Variants in PAK5 observed in about 807,000 individuals in gnomAD.
The protein encoded by PAK5 is serine/threonine-protein kinase PAK 5.
PAK5 carries 16 observed loss-of-function variants against 65.9 expected under a neutral mutation model. The observed-to-expected ratio is 0.24, with a 90% CI of 0.16 to 0.37. The LOEUF (loss-of-function observed/expected upper bound fraction) is 0.37. Among genes scored for constraint, PAK5 ranks in the 10% least tolerant of loss-of-function variants. The probability of loss-of-function intolerance (pLI) is 1.00; values close to 1 mark genes in which losing one functional copy is unlikely to be tolerated. For missense variants in PAK5, 785 were observed against 903.9 expected, an observed-to-expected ratio of 0.87 and a Z score of 1.69; for synonymous variants, 371 against 354.9, an observed-to-expected ratio of 1.05 and a Z score of -0.51.
intron 1 of PAK5, among the ~76,000 whole-genome samples, chr20:9,777,860 G>A (rs1316102614): frequency 6.6e-6 from 1 of 152,120 alleles, no homozygotes; most frequent in African/African-American, 2.4e-5. Flanking sequence ...TGAACAAGGT[G>A]AGGATGTGCA....
intron 1 of PAK5, among the ~76,000 whole-genome samples, chr20:9,824,258 A>G (rs1195213412): frequency 6.6e-6 from 1 of 152,238 alleles, no homozygotes; most frequent in East Asian, 1.9e-4. Flanking sequence ...AGAATATTAA[A>G]TCTCCAAAAG....
intron 2 of PAK5, among the ~76,000 whole-genome samples, chr20:9,701,219 G>T (rs2047935881): frequency 6.6e-6 from 1 of 152,158 alleles, no homozygotes; most frequent in Non-Finnish European, 1.5e-5. Context: ...GTTCTGAACT[G>T]TTAAAAGTTT....
At position 9,606,878 on chromosome 20, in the gene PAK5, T is replaced by C. The variant is rs562675636; in HGVS notation, c.205-25948A>G. Among the ~76,000 whole-genome samples, 121 of 152,290 alleles carry C rather than the reference T, an allele frequency of 7.9e-4. 2 individuals carry two copies. In the South Asian group the frequency reaches 0.025, roughly 31 times the overall value. ...GAGTATAGGCCTTGGTTTTCAAGCA[T>C]TGTAGGACCTGCCTCCCCATGAAAT... is the stretch of plus-strand genomic sequence containing the variant. On this transcript the variant is annotated intron_variant, in intron 3 of 9. Transcript: ENST00000353224.
At chr20:9,754,611 C>T (rs972138153) in intron 1 of PAK5, among the ~76,000 whole-genome samples, 1 of 152,140 alleles carries the variant, frequency 6.6e-6, no homozygotes, top group Non-Finnish European at 1.5e-5. Context: ...CTGCATGACT[C>T]CTAAACCATA....
At chr20:9,794,698 T>C (rs916024027) in intron 1 of PAK5, among the ~76,000 whole-genome samples, 1 of 152,046 alleles carries the variant, frequency 6.6e-6, no homozygotes. Context: ...GGAAAAAACA[T>C]AGGCACATTG....
At chr20:9,786,954 A>T (rs2048999274) in intron 1 of PAK5, among the ~76,000 whole-genome samples, 1 of 152,186 alleles carries the variant, frequency 6.6e-6, no homozygotes, top group African/African-American at 2.4e-5. Flanking sequence ...TAGATTTAAA[A>T]TAGGCTAATA....
intron 1 of PAK5, among the ~76,000 whole-genome samples, chr20:9,727,232 A>C (rs1327685003): frequency 6.6e-6 from 1 of 152,192 alleles, no homozygotes; most frequent in Non-Finnish European, 1.5e-5. Context: ...AGCAAATTAA[A>C]TACTATCAAA....
intron 1 of PAK5, among the ~76,000 whole-genome samples, chr20:9,729,055 C>T (rs1822726462): frequency 1.3e-5 from 2 of 151,774 alleles, no homozygotes; most frequent in Non-Finnish European, 2.9e-5. Flanking sequence ...TTTCTGTAGG[C>T]CTAAAATTAT....
Position 9,538,772 on chromosome 20 carries a change from T to G in PAK5, c.*690A>C, listed in dbSNP as rs2045210145. 1 of 233,208 alleles carries G rather than the reference T, an allele frequency of 4.3e-6. No individual in the cohort carries two copies. Among genetic ancestry groups the G allele is most frequent in the African/African-American group, 2.2e-5 (1 of 45,342 alleles). The allele number at this position is 233,208 out of a possible 1,614,324, so 14.4% of individuals were successfully genotyped here. ...GAAACGTGCACACCATCACCATCAC[T>G]CTTAATTCTTCTTCCACCAAATAAG... On this transcript the variant is annotated 3_prime_UTR_variant, in exon 10 of 10. Coordinates refer to ENST00000353224, the MANE Select transcript of PAK5 (RefSeq NM_177990.4).
chr20:9,601,939 T>G (rs2046367189), intron 3 of PAK5, among the ~76,000 whole-genome samples: 2 of 152,148 alleles, frequency 1.3e-5, no homozygotes, highest in Admixed American at 1.3e-4. Flanking sequence ...AAAGAAATGT[T>G]TGCTGTTATA....
At chr20:9,736,785 T>C (rs968501658) in intron 1 of PAK5, among the ~76,000 whole-genome samples, 1 of 152,234 alleles carries the variant, frequency 6.6e-6, no homozygotes, top group Non-Finnish European at 1.5e-5. Context: ...AATTCTGAAG[T>C]CTGGTCTCCA....
intron 1 of PAK5, among the ~76,000 whole-genome samples, chr20:9,762,130 C>T (rs1489381926): frequency 6.6e-6 from 1 of 152,116 alleles, no homozygotes; most frequent in East Asian, 1.9e-4. Context: ...GGATTAAAGA[C>T]TTAAATGTAA....
At chr20:9,694,135 C>G (rs1021226783) in intron 2 of PAK5, among the ~76,000 whole-genome samples, 1 of 151,598 alleles carries the variant, frequency 6.6e-6, no homozygotes, top group Non-Finnish European at 1.5e-5. Flanking sequence ...TGATATATGT[C>G]CAATGAGGAA....
intron 6 of PAK5, among the ~76,000 whole-genome samples, chr20:9,558,303 G>C (rs765315075): frequency 1.1e-4 from 16 of 151,668 alleles, no homozygotes; most frequent in Non-Finnish European, 2.1e-4. Context: ...ATAGAGATAG[G>C]GTTTCACCAT....
At chr20:9,791,978 G>T (rs1386698219) in intron 1 of PAK5, among the ~76,000 whole-genome samples, 1 of 152,070 alleles carries the variant, frequency 6.6e-6, no homozygotes, top group African/African-American at 2.4e-5. Context: ...CTCCTTCACA[G>T]ATAGAACACC....
At chr20:9,771,933 G>A (rs1326978048) in intron 1 of PAK5, among the ~76,000 whole-genome samples, 1 of 152,074 alleles carries the variant, frequency 6.6e-6, no homozygotes, top group Non-Finnish European at 1.5e-5. Context: ...AGCTACTCAG[G>A]AGGCTGAGGT....
At chr20:9,828,659 AT>A (rs1221895854) in intron 1 of PAK5, among the ~76,000 whole-genome samples, 1 of 152,202 alleles carries the variant, frequency 6.6e-6, no homozygotes, top group Non-Finnish European at 1.5e-5. Flanking sequence ...TACAAACACC[AT>A]TTGCATGAAT....
chr20:9,712,711 T>A (rs904992553), intron 1 of PAK5, among the ~76,000 whole-genome samples: 1 of 152,036 alleles, frequency 6.6e-6, no homozygotes, highest in African/African-American at 2.4e-5. Flanking sequence ...CTGAAATAAA[T>A]CCACGCACTT....
rs142279832 is a variant in PAK5, at chr20:9,802,910, G to GTGTGTGTATATATATATATATATATA, written c.-162+35851_-162+35852insTATATATATATATATATATACACACA. On this transcript the variant is annotated intron_variant, in intron 1 of 9. Coordinates refer to ENST00000353224, the MANE Select transcript of PAK5 (RefSeq NM_177990.4). ...CTTCTGTACTATTGTATATGTATGT[G>GTGTGTGTATATATATATATATATATA]TATATATATATATATATATATATGA... Among the ~76,000 whole-genome samples the GTGTGTGTATATATATATATATATATA allele has an allele frequency of 3.2e-3, 150 of 46,358 alleles. 1 individual carries two copies. The highest frequency in any genetic ancestry group is 5.6e-3 in the South Asian group (4 of 712). 30.4% of individuals were successfully genotyped at this position (46,358 alleles called of 152,430 possible). A position where few individuals can be genotyped will look rare whatever the true frequency, so the allele number is the denominator to read the frequency against.
Sources: allele counts gnomAD v4.1 joint callset (sites outside exome capture counted in the v4.1 genomes callset), GRCh38; gene constraint gnomAD v4.1.1; transcripts MANE v1.5; gene names NCBI Gene and HGNC (gene_info 2026-07-23, HGNC 2026-07-21).